FIG4: variants seen among roughly 807,000 people sequenced by gnomAD.
The protein encoded by FIG4 is FIG4 phosphoinositide 5-phosphatase.
FIG4 carries 112 observed loss-of-function variants against 118.6 expected under a neutral mutation model. The ratio of observed to expected loss-of-function variants is 0.94; its 90% CI spans 0.81 to 1.11. FIG4 has a LOEUF of 1.11. Among genes scored for constraint, FIG4 ranks in the 50% least tolerant of loss-of-function variants. The pLI, the probability that FIG4 is intolerant of heterozygous loss-of-function variation, is 0.00. For missense variants in FIG4, 969 were observed against 1,111.7 expected, an observed-to-expected ratio of 0.87 and a Z score of 1.83; for synonymous variants, 369 against 381.2, an observed-to-expected ratio of 0.97 and a Z score of 0.37.
rs1562645413 is a variant in FIG4 at position 109,721,396 on chromosome 6, A to AC, written c.289+4834dup. ...AAGATAATAGCTGGCTGGCATGGTGACCCCCCATACAGGATATTACACTAT... is the reference window on the plus strand; with the variant it reads ...AAGATAATAGCTGGCTGGCATGGTGACCCCCCCATACAGGATATTACACTAT... On this transcript the variant is annotated intron_variant, in intron 3 of 22. Coordinates refer to ENST00000230124, the MANE Select transcript of FIG4 (RefSeq NM_014845.6). 3.3e-5 allele frequency among the ~76,000 whole-genome samples: 5 copies of AC among 151,664 alleles called. No homozygotes were observed. In the South Asian group the frequency reaches 8.4e-4, roughly 25 times the overall value.
intron 6 of FIG4, among the ~76,000 whole-genome samples, chr6:109,737,886 C>T (rs1017323361): frequency 1.3e-5 from 2 of 152,096 alleles, no homozygotes; most frequent in East Asian, 3.9e-4. Flanking sequence ...AGGTGCCGTG[C>T]TCCCTAAGTA....
chr6:109,751,603 G>C (rs1311404579), intron 10 of FIG4, among the ~76,000 whole-genome samples: 4 of 152,096 alleles, frequency 2.6e-5, no homozygotes, highest in African/African-American at 9.7e-5. Context: ...CTTGTTATTG[G>C]TTTATTCAGG....
intron 14 of FIG4, among the ~76,000 whole-genome samples, chr6:109,765,931 A>G (rs1433020429): frequency 6.6e-6 from 1 of 152,202 alleles, no homozygotes; most frequent in Middle Eastern, 3.2e-3. Context: ...GGAAATATTA[A>G]CAGACACTTG....
At chr6:109,714,685 C>T (rs934793062) in intron 1 of FIG4, among the ~76,000 whole-genome samples, 23 of 152,164 alleles carry the variant, frequency 1.5e-4, no homozygotes, top group Non-Finnish European at 1.5e-5. Flanking sequence ...GCTGTCAGTA[C>T]TTTAGTAGCT....
intron 22 of FIG4, among the ~76,000 whole-genome samples, chr6:109,823,006 G>C (rs1779056300): frequency 6.6e-6 from 1 of 151,650 alleles, no homozygotes; most frequent in South Asian, 2.1e-4. Flanking sequence ...ACAAAAGATA[G>C]AGTTTAGCAG....
At chr6:109,708,821 C>T (rs1388250477) in intron 1 of FIG4, among the ~76,000 whole-genome samples, 5 of 151,298 alleles carry the variant, frequency 3.3e-5, no homozygotes, top group South Asian at 2.1e-4. Flanking sequence ...GATTTTTTTT[C>T]GTGTAAATTT....
At chr6:109,730,585 T>TG (rs1775967223) in intron 4 of FIG4, among the ~76,000 whole-genome samples, 1 of 152,094 alleles carries the variant, frequency 6.6e-6, no homozygotes, top group Admixed American at 6.6e-5. Context: ...GAGGAATTGA[T>TG]GGGGGTCAAT....
chr6:109,707,319 A>G (rs1583632257), intron 1 of FIG4, among the ~76,000 whole-genome samples: 1 of 147,200 alleles, frequency 6.8e-6, no homozygotes, highest in African/African-American at 2.5e-5. Flanking sequence ...ATGTGTATAT[A>G]TATATGTATA....
intron 22 of FIG4, among the ~76,000 whole-genome samples, chr6:109,815,415 G>A (rs1177631838): frequency 6.6e-6 from 1 of 151,702 alleles, no homozygotes; most frequent in Non-Finnish European, 1.5e-5. Context: ...TCCCCATCCA[G>A]GTTCTCACTC....
intron 21 of FIG4, among the ~76,000 whole-genome samples, chr6:109,796,013 C>T (rs1328088345): frequency 6.6e-6 from 1 of 152,208 alleles, no homozygotes; most frequent in Non-Finnish European, 1.5e-5. Flanking sequence ...AGCAGGCTTC[C>T]AGCAGATATG....
chr6:109,793,029 A>G (rs965179958), intron 21 of FIG4, among the ~76,000 whole-genome samples: 12 of 152,226 alleles, frequency 7.9e-5, no homozygotes, highest in African/African-American at 2.7e-4. Context: ...TCAGCAATAC[A>G]GAAGAAAATG....
At chr6:109,818,121 C>T (rs182667419) in intron 22 of FIG4, among the ~76,000 whole-genome samples, 2 of 152,342 alleles carry the variant, frequency 1.3e-5, no homozygotes, top group African/African-American at 2.4e-5. Flanking sequence ...CCTTTATCCA[C>T]AGTTTCTCTT....
intron 10 of FIG4, among the ~76,000 whole-genome samples, chr6:109,758,535 G>T (rs1474927095): frequency 6.6e-6 from 1 of 152,138 alleles, no homozygotes; most frequent in Non-Finnish European, 1.5e-5. Flanking sequence ...TACTATTCAG[G>T]ACATAGGCAT....
chr6:109,706,872 A>G (rs1017151421), intron 1 of FIG4, among the ~76,000 whole-genome samples: 1 of 152,040 alleles, frequency 6.6e-6, no homozygotes, highest in Non-Finnish European at 1.5e-5. Flanking sequence ...AAGCACGTAT[A>G]GTTTACAAAC....
At chr6:109,736,368 T>C (rs142092450) in intron 6 of FIG4, among the ~76,000 whole-genome samples, 70 of 152,286 alleles carry the variant, frequency 4.6e-4, no homozygotes, top group African/African-American at 1.7e-3. Context: ...CCCTTGACTC[T>C]TGTTAGTTTA....
At chr6:109,714,477 T>C (rs1231237456) in intron 1 of FIG4, among the ~76,000 whole-genome samples, 2 of 152,134 alleles carry the variant, frequency 1.3e-5, no homozygotes, top group Non-Finnish European at 2.9e-5. Context: ...CTAATGTGAT[T>C]GTGTTTAGTC....
intron 1 of FIG4, among the ~76,000 whole-genome samples, chr6:109,693,143 G>T (rs958440609): frequency 5.3e-5 from 3 of 56,266 alleles, no homozygotes; most frequent in African/African-American, 9.8e-5. Flanking sequence ...GAATCCCTTA[G>T]TTGGCATTCA....
chr6:109,792,735 CCTTT>C, intron 21 of FIG4, 71 bp downstream of exon 21: 1 of 653,626 alleles, frequency 1.5e-6, no homozygotes, highest in Non-Finnish European at 2.5e-6. Flanking sequence ...AACTACTATA[CCTTT>C]TTTTTTTTTT....
rs1554309865 is a variant in FIG4, at chr6:109,796,828, G to A, written c.2523G>A (p.Arg841=). Residue 841 remains arginine (R), a synonymous_variant, in exon 22 of 23, where the codon AGG becomes AGA. Transcript: ENST00000230124. ...QDKNSQQPCS[R]CSDGVIKLTP... ...AGAATAGCCAGCAGCCCTGTTCTAG[G>A]TGCTCAGATGGAGTTATAAAACTGT... The A allele has an allele frequency of 6.2e-7, 1 of 1,605,908 alleles. No individual in the cohort carries two copies. The highest frequency in any genetic ancestry group is 1.1e-5 in the South Asian group (1 of 90,908).
Sources: allele counts gnomAD v4.1 joint callset (sites outside exome capture counted in the v4.1 genomes callset), GRCh38; gene constraint gnomAD v4.1.1; transcripts MANE v1.5; gene names NCBI Gene and HGNC (gene_info 2026-07-23, HGNC 2026-07-21).